Variants in AGBL3 observed in about 807,000 individuals in gnomAD.
AGBL3 encodes AGBL carboxypeptidase 3.
In AGBL3, 68 loss-of-function variants were observed where a neutral mutation model predicts 94.5. That is an observed-to-expected ratio of 0.72 (90% CI 0.59 to 0.88). The LOEUF (loss-of-function observed/expected upper bound fraction) is 0.88. AGBL3 is among the 40% of genes least tolerant of loss of function. The pLI, the probability that AGBL3 is intolerant of heterozygous loss-of-function variation, is 0.00. For synonymous variants in AGBL3, 354 were observed against 370.7 expected (o/e 0.95, Z 0.52); for missense variants, 934 against 1,103.8 (o/e 0.85, Z 2.18).
chr7:135,051,898 T>C (rs1817908081), intron 11 of AGBL3, among the ~76,000 whole-genome samples: 1 of 152,116 alleles, frequency 6.6e-6, no homozygotes, highest in Admixed American at 6.6e-5. Flanking sequence ...AAAGTATTTT[T>C]TAAAAGGAAA....
At chr7:135,106,050 T>C (rs563966553) in intron 15 of AGBL3, among the ~76,000 whole-genome samples, 1 of 152,320 alleles carries the variant, frequency 6.6e-6, no homozygotes, top group South Asian at 2.1e-4. Flanking sequence ...CTGTTGTTGG[T>C]ATATAGGAAT....
chr7:135,005,461 A>T (rs938151110), intron 4 of AGBL3, among the ~76,000 whole-genome samples: 1 of 151,808 alleles, frequency 6.6e-6, no homozygotes, highest in Non-Finnish European at 1.5e-5. Context: ...AAATAAAAGA[A>T]GATCTAAATA....
At chr7:135,089,167 AT>A (rs1300853222) in intron 15 of AGBL3, among the ~76,000 whole-genome samples, 1 of 150,972 alleles carries the variant, frequency 6.6e-6, no homozygotes, top group East Asian at 1.9e-4. Flanking sequence ...CTTTATTGTA[AT>A]TTTTATTTCA....
At chr7:135,039,800 A>G (rs763845955) in intron 8 of AGBL3, among the ~76,000 whole-genome samples, 1 of 151,954 alleles carries the variant, frequency 6.6e-6, no homozygotes, top group Non-Finnish European at 1.5e-5. Flanking sequence ...TAGAAAAAGA[A>G]GAGTAAAATA....
At chr7:135,006,734 G>A (rs1812436379) in intron 4 of AGBL3, among the ~76,000 whole-genome samples, 1 of 151,922 alleles carries the variant, frequency 6.6e-6, no homozygotes, top group Non-Finnish European at 1.5e-5. Context: ...AAGAAGTTAT[G>A]TGAAATTTTG....
At chr7:134,990,672 C>G (rs1318698924) in intron 3 of AGBL3, among the ~76,000 whole-genome samples, 2 of 152,140 alleles carry the variant, frequency 1.3e-5, no homozygotes, top group Admixed American at 6.5e-5. Context: ...TATCTGTTTT[C>G]TAAAGTGGCT....
chr7:135,017,022 C>A, intron 4 of AGBL3, 30 bp from the exon 5 acceptor site: 1 of 1,375,432 alleles, frequency 7.3e-7, no homozygotes, highest in Non-Finnish European at 1.0e-6. Flanking sequence ...TTGAAGTCAT[C>A]TTCAAATAAT....
At chr7:135,109,091 T>C (rs1825218252) in intron 15 of AGBL3, among the ~76,000 whole-genome samples, 1 of 152,214 alleles carries the variant, frequency 6.6e-6, no homozygotes, top group African/African-American at 2.4e-5. Flanking sequence ...CTGTATCCAT[T>C]TTATTGTGAT....
In AGBL3 at chr7:135,076,404, A is replaced by AT. The variant is rs1165590802; in HGVS notation, c.1919dup (p.Leu640PhefsTer24). On this transcript the variant is annotated frameshift_variant, in exon 13 of 17. Coordinates refer to ENST00000436302, the MANE Select transcript of AGBL3 (RefSeq NM_178563.4). LOFTEE classifies it high-confidence loss of function. ...GTATGATTCTTTTACTAGAAAAAACATTTGAAAACAAAGAAGGAAAGGAAT... is the reference window on the plus strand; with the variant it reads ...GTATGATTCTTTTACTAGAAAAAACATTTTGAAAACAAAGAAGGAAAGGAAT... 3.2e-6 allele frequency: 5 copies of AT among 1,544,554 alleles called. No individual in the cohort carries two copies. The highest frequency in any genetic ancestry group is 4.4e-6 in the Non-Finnish European group (5 of 1,141,096).
chr7:135,000,066 C>T (rs1006101690), intron 4 of AGBL3, among the ~76,000 whole-genome samples: 1 of 152,216 alleles, frequency 6.6e-6, no homozygotes, highest in Non-Finnish European at 1.5e-5. Context: ...TGAGTATCTC[C>T]TTGCACTGTC....
At chr7:135,062,950 T>C (rs551601562) in intron 12 of AGBL3, among the ~76,000 whole-genome samples, 132 of 152,284 alleles carry the variant, frequency 8.7e-4, no homozygotes, top group African/African-American at 3.1e-3. Context: ...AGTTCCTCTT[T>C]AAATGTTTAG....
intron 12 of AGBL3, among the ~76,000 whole-genome samples, chr7:135,073,685 G>A (rs1323888909): frequency 1.3e-5 from 2 of 151,936 alleles, no homozygotes; most frequent in East Asian, 3.9e-4. Context: ...ACATCTCTAA[G>A]GGGGTCTGCA....
At chr7:135,047,213 T>G (rs1319286915) in intron 11 of AGBL3, among the ~76,000 whole-genome samples, 1 of 152,098 alleles carries the variant, frequency 6.6e-6, no homozygotes, top group Non-Finnish European at 1.5e-5. Context: ...TTTATCCATG[T>G]TGTTAACTTA....
intron 6 of AGBL3, 126 bp downstream of exon 6, chr7:135,033,108 A>G: frequency 3.0e-6 from 3 of 1,002,814 alleles, no homozygotes; most frequent in South Asian, 2.3e-5. Flanking sequence ...ACTATTAATA[A>G]TTAGAAATTG....
chr7:135,040,175 T>A (rs989206963), intron 8 of AGBL3, among the ~76,000 whole-genome samples: 2 of 152,186 alleles, frequency 1.3e-5, no homozygotes, highest in African/African-American at 2.4e-5. Context: ...ATAATCTGAA[T>A]AGTCCTGAAA....
At chr7:135,078,110 G>C (rs769235416) in intron 13 of AGBL3, among the ~76,000 whole-genome samples, 2 of 152,206 alleles carry the variant, frequency 1.3e-5, no homozygotes, top group Non-Finnish European at 2.9e-5. Context: ...GCTAGGAGGA[G>C]CCTTACTGGA....
rs1826632148 is a variant in AGBL3, at chr7:135,118,448, G to C, written c.2342+2837G>C. 2.0e-5 allele frequency among the ~76,000 whole-genome samples: 3 copies of C among 152,212 alleles called. No individual in the cohort carries two copies. The South Asian group carries it at 6.2e-4, about 32-fold the overall frequency. On this transcript the variant is annotated intron_variant, in intron 16 of 16. Transcript: ENST00000436302. ...AATAATTAGAAGCCTCCTATCTCTG[G>C]TGTCAATGGGGTCCAGATGGGGAAC...
chr7:135,059,956 T>C (rs1266391974), intron 12 of AGBL3, among the ~76,000 whole-genome samples: 2 of 152,258 alleles, frequency 1.3e-5, no homozygotes, highest in Non-Finnish European at 2.9e-5. Flanking sequence ...GTTGGCTCTG[T>C]TAGACATGGG....
intron 4 of AGBL3, among the ~76,000 whole-genome samples, chr7:135,006,078 T>C (rs1812347664): frequency 6.6e-6 from 1 of 151,814 alleles, no homozygotes; most frequent in South Asian, 2.1e-4. Flanking sequence ...TAATAAAAAC[T>C]TGATAAATTG....
Sources: gnomAD v4.1 joint callset for allele counts (sites outside exome capture counted in the v4.1 genomes callset) on GRCh38, gnomAD v4.1.1 for gene constraint, MANE v1.5 for transcripts, NCBI Gene and HGNC (gene_info 2026-07-23, HGNC 2026-07-21) for gene names.